Variants in MIA2 observed in about 807,000 individuals in gnomAD.
The protein encoded by MIA2 is melanoma inhibitory activity protein 2.
MIA2 carries 127 observed loss-of-function variants against 167.8 expected under a neutral mutation model. The observed-to-expected ratio is 0.76, with a 90% CI of 0.66 to 0.88. The LOEUF (loss-of-function observed/expected upper bound fraction) is 0.88, where lower values mean the gene tolerates loss of function less well. Among genes scored for constraint, MIA2 ranks in the 40% least tolerant of loss-of-function variants. The pLI, the probability that MIA2 is intolerant of heterozygous loss-of-function variation, is 0.00. For synonymous variants in MIA2, 552 were observed against 541.9 expected (o/e 1.02, Z -0.26); for missense variants, 1,690 against 1,624.7 (o/e 1.04, Z -0.69).
rs903752801 is a variant in MIA2, at chr14:39,379,629, A to G, written c.2249-7256A>G. On this transcript the variant is annotated intron_variant, in intron 23 of 23. Coordinates refer to the MIA2 transcript ENST00000341502. Reference sequence around the variant, plus strand: ...CACTTTGGGAGGCTGAGGCGGGTGGATCACCTGAGGTCAGGAGTTCGAGAC... The same window carrying G: ...CACTTTGGGAGGCTGAGGCGGGTGGGTCACCTGAGGTCAGGAGTTCGAGAC... Among the ~76,000 whole-genome samples, 9 of 152,222 alleles carry G rather than the reference A, an allele frequency of 5.9e-5. No homozygotes were observed. The South Asian group carries it at 6.2e-4, about 11-fold the overall frequency.
At chr14:39,273,372 G>A (rs2057461120) in intron 6 of MIA2, among the ~76,000 whole-genome samples, 1 of 151,546 alleles carries the variant, frequency 6.6e-6, no homozygotes, top group South Asian at 2.1e-4. Context: ...TGTTTGTTTG[G>A]GACAGGGCCT....
chr14:39,282,420 C>T (rs138378661), intron 9 of MIA2, among the ~76,000 whole-genome samples: 185 of 151,952 alleles, frequency 1.2e-3, no homozygotes, highest in African/African-American at 4.1e-3. Flanking sequence ...AACAAATTAA[C>T]GTATTCTTTC....
rs145486357 is a variant in MIA2 at position 39,314,783 on chromosome 14, A to C, written c.3164A>C (p.His1055Pro). ...GAAGAAGAATTGGAGAGAACTATTCATTCTTATCAAGGGCAGGTATATATA... is the reference window on the plus strand; with the variant it reads ...GAAGAAGAATTGGAGAGAACTATTCCTTCTTATCAAGGGCAGGTATATATA... ...DLEEELERTIHSYQGQIISHE... is the reference protein window; with the variant it reads ...DLEEELERTIPSYQGQIISHE... The change falls in exon 20 of 29, where the codon CAT (histidine) becomes CCT (proline). Residue 1055 changes from histidine (H) to proline (P), a missense_variant. Physicochemically the swap from His to Pro is moderately conservative, Grantham distance 77. Transcript: ENST00000640607. 6.2e-7 allele frequency: 1 copy of C among 1,600,918 alleles called. No individual in the cohort carries two copies.
At chr14:39,355,485 A>T (rs1455098899), downstream of MIA2, among the ~76,000 whole-genome samples, 1 of 152,178 alleles carries the variant, frequency 6.6e-6, no homozygotes, top group East Asian at 1.9e-4. Context: ...ATATACAATC[A>T]TGTCCCCTGC....
chr14:39,322,565 T>C (rs2066663614), intron 24 of MIA2, among the ~76,000 whole-genome samples: 2 of 150,388 alleles, frequency 1.3e-5, no homozygotes, highest in Admixed American at 6.6e-5. Flanking sequence ...AAAAAGTACA[T>C]TGGGAAACCA....
chr14:39,252,728 T>C lies in MIA2; in HGVS notation c.1568-20T>C, dbSNP rs1212492989. The C allele has an allele frequency of 1.3e-6, 2 of 1,569,686 alleles. No individual in the cohort carries two copies. On this transcript the variant is annotated intron_variant, in intron 4 of 28. Coordinates refer to ENST00000640607, the MANE Select transcript of MIA2 (RefSeq NM_001329214.4). ...AAGCAAGTATTTTGGAAAAACACAT[T>C]TCTTTTTATTTATTTGTAGATATGG...
At chr14:39,338,047 G>A (rs567813040) in intron 25 of MIA2, among the ~76,000 whole-genome samples, 2 of 152,152 alleles carry the variant, frequency 1.3e-5, no homozygotes, top group Non-Finnish European at 2.9e-5. Context: ...TGAAATGACG[G>A]TATAGAAACA....
intron 9 of MIA2, among the ~76,000 whole-genome samples, chr14:39,283,499 G>C (rs562886468): frequency 2.2e-4 from 34 of 152,108 alleles, no homozygotes; most frequent in Non-Finnish European, 4.6e-4. Flanking sequence ...AAAGGACAAA[G>C]GACCTGCTCT....
At chr14:39,289,669 G>C (rs1428057798) in intron 9 of MIA2, among the ~76,000 whole-genome samples, 2 of 152,186 alleles carry the variant, frequency 1.3e-5, no homozygotes, top group Non-Finnish European at 2.9e-5. Context: ...TTGTTGTAGA[G>C]ATGGGATCTC....
chr14:39,272,195 AC>A (rs1300531856), intron 6 of MIA2, among the ~76,000 whole-genome samples: 1 of 152,094 alleles, frequency 6.6e-6, no homozygotes, highest in Non-Finnish European at 1.5e-5. Flanking sequence ...TACTAAAGAT[AC>A]AAAAAATTAG....
intron 25 of MIA2, among the ~76,000 whole-genome samples, chr14:39,337,971 C>T (rs1358686318): frequency 1.3e-5 from 2 of 152,154 alleles, no homozygotes; most frequent in African/African-American, 4.8e-5. Flanking sequence ...GATCCACCCA[C>T]CTCGGCCTCC....
intron 1 of MIA2, among the ~76,000 whole-genome samples, chr14:39,236,643 CA>C (rs1236051215): frequency 6.6e-6 from 1 of 152,124 alleles, no homozygotes; most frequent in South Asian, 2.1e-4. Context: ...AATGGATAAA[CA>C]AACTTGAGTG....
chr14:39,339,094 T>A (rs1003815060), intron 25 of MIA2, among the ~76,000 whole-genome samples: 2 of 152,112 alleles, frequency 1.3e-5, no homozygotes, highest in Admixed American at 1.3e-4. Flanking sequence ...TAGATTCTCA[T>A]AAGGAATGCA....
chr14:39,368,808 G>C (rs896187290), intron 23 of MIA2, among the ~76,000 whole-genome samples: 1 of 150,126 alleles, frequency 6.7e-6, no homozygotes, highest in Admixed American at 6.6e-5. Context: ...GTAAACGTAC[G>C]TTTAATCTTC....
chr14:39,314,944 C>A (rs1004694949), intron 20 of MIA2, 145 bp downstream of exon 20: 4 of 565,180 alleles, frequency 7.1e-6, no homozygotes, highest in Middle Eastern at 1.0e-3. Flanking sequence ...GGCTGTGGGA[C>A]ATTTCCCAGG....
Position 39,248,109 on chromosome 14 carries a change from T to C in MIA2, c.1535T>C (p.Val512Ala). Residue 512 changes from valine (V) to alanine (A), a missense_variant, in exon 4 of 29, where the codon GTT (valine) becomes GCT (alanine). Physicochemically the swap from Val to Ala is moderately conservative, Grantham distance 64. Coordinates refer to ENST00000640607, the MANE Select transcript of MIA2 (RefSeq NM_001329214.4). ...IDNYPTDNTK[V>A]MIFKSSYSLS... is the part of the protein sequence containing the mutation. The stretch of plus-strand genomic sequence containing the variant: ...AATTATCCCACAGATAATACAAAAG[T>C]TATGATATTCAAAAGTTCATACAGT... 1 of 1,523,610 alleles carries C rather than the reference T, an allele frequency of 6.6e-7. No homozygotes were observed. The highest frequency in any genetic ancestry group is 8.8e-7 in the Non-Finnish European group (1 of 1,137,728). 94.4% of individuals were successfully genotyped at this position (1,523,610 alleles called of 1,614,324 possible).
At chr14:39,366,935 T>G (rs1286754589) in intron 23 of MIA2, among the ~76,000 whole-genome samples, 1 of 152,180 alleles carries the variant, frequency 6.6e-6, no homozygotes, top group Non-Finnish European at 1.5e-5. Flanking sequence ...TCAGAGTGTG[T>G]GCAAGTGCAT....
Position 39,371,971 on chromosome 14 carries a change from A to T in MIA2, c.2249-14914A>T, listed in dbSNP as rs1466377351. 4.7e-5 allele frequency among the ~76,000 whole-genome samples: 7 copies of T among 150,132 alleles called. No homozygotes were observed. The South Asian group carries it at 6.3e-4, about 14-fold the overall frequency. ...GAGAGTCCTTTTTTCTTTTTTTTTT[A>T]AATTGGAAAATTTTAGCAAAAGTCT... On this transcript the variant is annotated intron_variant, in intron 23 of 23. Transcript: ENST00000341502.
chr14:39,322,670 A>G (rs1483284470), intron 24 of MIA2, among the ~76,000 whole-genome samples: 1 of 152,192 alleles, frequency 6.6e-6, no homozygotes, highest in Non-Finnish European at 1.5e-5. Context: ...CTGGTGTTAC[A>G]AAAGGCCCTA....
Sources: gnomAD v4.1 joint callset for allele counts (sites outside exome capture counted in the v4.1 genomes callset) on GRCh38, gnomAD v4.1.1 for gene constraint, MANE v1.5 for transcripts, NCBI Gene and HGNC (gene_info 2026-07-23, HGNC 2026-07-21) for gene names.